Variants in THOC5 observed in about 807,000 individuals in gnomAD.
The protein encoded by THOC5 is THO complex subunit 5, also known as Fms-interacting protein.
Under a neutral mutation model 92.9 loss-of-function variants are expected in THOC5, and 43 were observed. The ratio of observed to expected loss-of-function variants is 0.46; its 90% CI spans 0.36 to 0.60. The LOEUF (loss-of-function observed/expected upper bound fraction) is 0.60. Ranked by LOEUF, THOC5 falls within the 20% of genes least tolerant of loss-of-function variation. THOC5 has a pLI of 0.00. For synonymous variants in THOC5, 296 were observed against 320.1 expected, an observed-to-expected ratio of 0.92 and a Z score of 0.80; for missense variants, 659 against 849.4, an observed-to-expected ratio of 0.78 and a Z score of 2.79.
At chr22:29,534,221 G>A (rs187850920) in intron 7 of THOC5, among the ~76,000 whole-genome samples, 1 of 152,224 alleles carries the variant, frequency 6.6e-6, no homozygotes, top group Non-Finnish European at 1.5e-5. Context: ...TTCAAAAATA[G>A]GCAAAACTAA....
intron 7 of THOC5, among the ~76,000 whole-genome samples, chr22:29,534,264 C>T (rs1286933247): frequency 6.6e-6 from 1 of 152,046 alleles, no homozygotes; most frequent in Non-Finnish European, 1.5e-5. Flanking sequence ...ATTATGGTTA[C>T]TGGGGTGTGA....
Position 29,539,317 on chromosome 22 carries a change from G to A in THOC5, c.599+13C>T. The stretch of plus-strand genomic sequence containing the variant: ...ACTTTGTGGTTAAAAGGTCAGGAAG[G>A]AGGAAATGCTACCTTTTCCGCTGCT... On this transcript the variant is annotated intron_variant, in intron 6 of 19. Transcript: ENST00000490103. The A allele has an allele frequency of 1.9e-6, 3 of 1,612,722 alleles. No homozygotes were observed. The highest frequency in any genetic ancestry group is 2.5e-6 in the Non-Finnish European group (3 of 1,179,180).
At chr22:29,532,406 G>A (rs1463449682) in intron 7 of THOC5, among the ~76,000 whole-genome samples, 1 of 152,224 alleles carries the variant, frequency 6.6e-6, no homozygotes, top group African/African-American at 2.4e-5. Context: ...GCTCACGCCT[G>A]TAATCTCAGC....
At chr22:29,516,754 C>T (rs2063340283) in intron 17 of THOC5, among the ~76,000 whole-genome samples, 1 of 152,186 alleles carries the variant, frequency 6.6e-6, no homozygotes, top group Non-Finnish European at 1.5e-5. Flanking sequence ...TCAGGCTCAG[C>T]GCTCAGACTG....
At chr22:29,519,250 C>T in intron 14 of THOC5, 130 bp from the exon 15 acceptor site, 1 of 561,572 alleles carries the variant, frequency 1.8e-6, no homozygotes, top group East Asian at 3.1e-5. Context: ...ACCCTTTAGA[C>T]ATGGCAAGGT....
In THOC5 at chr22:29,517,353, C is replaced by T. The variant is rs1256766120; in HGVS notation, c.1503G>A (p.Val501=). The change falls in exon 16 of 20, where the codon GTG becomes GTA. Residue 501 remains valine (V), a synonymous_variant. Coordinates refer to ENST00000490103, the MANE Select transcript of THOC5 (RefSeq NM_003678.5). ...KQFASLEHGI[V]PVTSDCQYLF... is the part of the protein sequence containing the mutation. ...GGTACTGGCAATCACTGGTAACTGG[C>T]ACAATGCCATGTTCTAAAAGAGAAC... The T allele has an allele frequency of 4.3e-6, 7 of 1,613,928 alleles. No homozygotes were observed. The highest frequency in any genetic ancestry group is 2.7e-5 in the African/African-American group (2 of 74,918).
chr22:29,524,881 A>G (rs1279288855), intron 12 of THOC5, among the ~76,000 whole-genome samples: 2 of 152,172 alleles, frequency 1.3e-5, no homozygotes, highest in Non-Finnish European at 2.9e-5. Flanking sequence ...TCTGCAGCTG[A>G]CAGTGGGACT....
chr22:29,538,021 C>T (rs901219273), intron 6 of THOC5, among the ~76,000 whole-genome samples: 6 of 152,276 alleles, frequency 3.9e-5, no homozygotes, highest in Middle Eastern at 3.4e-3. Context: ...CTCATTCTGT[C>T]GCCCAGGCTA....
rs773352942 is a variant in THOC5, at chr22:29,529,217, G to T, written c.870C>A (p.Ile290=). ...CCTTGGCTTCATCCACACTGCCTTCGATTGCCACAGATAACGTCTTATCTG... is the reference window on the plus strand; with the variant it reads ...CCTTGGCTTCATCCACACTGCCTTCTATTGCCACAGATAACGTCTTATCTG... ...QACDKTLSVA[I]EGSVDEAKAL... Residue 290 remains isoleucine (I), a synonymous_variant, in exon 9 of 20, where the codon ATC becomes ATA. Coordinates refer to ENST00000490103, the MANE Select transcript of THOC5 (RefSeq NM_003678.5). 3 of 1,614,192 alleles carry T rather than the reference G, an allele frequency of 1.9e-6. No homozygotes were observed. Among genetic ancestry groups the T allele is most frequent in the Non-Finnish European group, 2.5e-6 (3 of 1,180,036 alleles).
At chr22:29,524,751 T>A (rs187973371) in intron 12 of THOC5, among the ~76,000 whole-genome samples, 1 of 152,310 alleles carries the variant, frequency 6.6e-6, no homozygotes, top group Admixed American at 6.5e-5. Context: ...GAAGGGGATG[T>A]GGACTCTAAG....
At chr22:29,552,001 G>A (rs1397611646) in intron 1 of THOC5, among the ~76,000 whole-genome samples, 2 of 152,184 alleles carry the variant, frequency 1.3e-5, no homozygotes, top group Non-Finnish European at 2.9e-5. Flanking sequence ...TGGCCAGGCT[G>A]GTCTCCAGCT....
At chr22:29,536,828 C>T in intron 6 of THOC5, 90 bp from the exon 7 acceptor site, 1 of 763,234 alleles carries the variant, frequency 1.3e-6, no homozygotes. Flanking sequence ...CTAATAGTAG[C>T]AGCCATGATT....
rs749273094 is a variant in THOC5, at chr22:29,525,871, G to A, written c.1142C>T (p.Thr381Ile). 1 of 1,614,108 alleles carries A rather than the reference G, an allele frequency of 6.2e-7. No homozygotes were observed. ...NIMTVKAKVT[T>I]AMELITPISA... ...GATGGGGGTGATCAGCTCCATGGCA[G>A]TTGTCACTTTGGCTTTTACTGTCAT... The change falls in exon 12 of 20, where the codon ACT (threonine) becomes ATT (isoleucine). Residue 381 changes from threonine to isoleucine, a missense_variant. Transcript: ENST00000490103.
intron 2 of THOC5, among the ~76,000 whole-genome samples, chr22:29,547,629 C>A (rs1232865706): frequency 6.6e-6 from 1 of 152,218 alleles, no homozygotes; most frequent in Non-Finnish European, 1.5e-5. Flanking sequence ...TCCCAAAGTG[C>A]TGGGATTACA....
At chr22:29,538,065 C>A (rs1337798874) in intron 6 of THOC5, among the ~76,000 whole-genome samples, 2 of 152,062 alleles carry the variant, frequency 1.3e-5, no homozygotes, top group African/African-American at 4.8e-5. Flanking sequence ...TCACTGCAAC[C>A]TCTGCCTCCC....
At position 29,512,970 on chromosome 22, in the gene THOC5, G is replaced by C. The variant is rs192901757; in HGVS notation, c.1682-834C>G. On this transcript the variant is annotated intron_variant, in intron 17 of 19. Coordinates refer to ENST00000490103, the MANE Select transcript of THOC5 (RefSeq NM_003678.5). ...TTCCTTTTTAGTTATTTTTAGGGGG[G>C]AGACTTTCACTCTCTGACCACTAGT... Among the ~76,000 whole-genome samples, 48 of 152,310 alleles carry C rather than the reference G, an allele frequency of 3.2e-4. 1 individual carries two copies. Among genetic ancestry groups the C allele is most frequent in the Admixed American group, 3.1e-3 (47 of 15,290 alleles).
chr22:29,510,989 C>T, intron 19 of THOC5, 117 bp downstream of exon 19: 1 of 1,068,760 alleles, frequency 9.4e-7, no homozygotes. Context: ...GAGTGATAGG[C>T]ATCGGCTGCA....
chr22:29,547,072 G>A (rs2064037437), intron 2 of THOC5, among the ~76,000 whole-genome samples: 1 of 151,986 alleles, frequency 6.6e-6, no homozygotes, highest in Admixed American at 6.5e-5. Context: ...TCAAACTCCT[G>A]ACCTCAAGTG....
intron 2 of THOC5, among the ~76,000 whole-genome samples, chr22:29,545,410 T>C (rs563655277): frequency 6.6e-6 from 1 of 152,256 alleles, no homozygotes; most frequent in African/African-American, 2.4e-5. Context: ...CCCAAAGTCT[T>C]AACTCATTTC....
Sources: allele counts gnomAD v4.1 joint callset (sites outside exome capture counted in the v4.1 genomes callset), GRCh38; gene constraint gnomAD v4.1.1; transcripts MANE v1.5; gene names NCBI Gene and HGNC (gene_info 2026-07-23, HGNC 2026-07-21).